Variants in MAGI2 observed in about 807,000 individuals in gnomAD.
The protein encoded by MAGI2 is membrane-associated guanylate kinase, WW and PDZ domain-containing protein 2.
In MAGI2, 35 loss-of-function variants were observed where a neutral mutation model predicts 133.3. The observed-to-expected ratio is 0.26, with a 90% CI of 0.20 to 0.35. The LOEUF is 0.35. MAGI2 is among the 10% of genes least tolerant of loss of function. MAGI2 has a pLI of 1.00. For synonymous variants in MAGI2, 729 were observed against 710.6 expected (o/e 1.03, Z -0.41); for missense variants, 1,636 against 1,863.4 (o/e 0.88, Z 2.25).
chr7:79,453,293 G>A lies in MAGI2; in HGVS notation c.28C>T (p.His10Tyr). 1 of 1,612,242 alleles carries A rather than the reference G, an allele frequency of 6.2e-7. No individual in the cohort carries two copies. The highest frequency in any genetic ancestry group is 8.5e-7 in the Non-Finnish European group (1 of 1,179,062). ...CTCTCATGGACTTTGCTAGTCCAGT[G>A]GCTTTTCTTTTTCAAGCTTTTGGAC... is the stretch of plus-strand genomic sequence containing the variant. MSKSLKKKS[H>Y]WTSKVHESVI... The change falls in exon 1 of 22, where the codon CAC becomes TAC. Residue 10 changes from histidine (H) to tyrosine (Y), a missense_variant. By Grantham distance (83) the His-to-Tyr change is moderately conservative. Coordinates refer to ENST00000354212, the MANE Select transcript of MAGI2 (RefSeq NM_012301.4).
At chr7:78,537,170 T>TACACACACACACACAC (rs3086437) in intron 3 of MAGI2, among the ~76,000 whole-genome samples, 1 of 146,202 alleles carries the variant, frequency 6.8e-6, no homozygotes, top group Non-Finnish European at 1.5e-5. Flanking sequence ...AGTATTCCAC[T>TACACACACACACACAC]ACACACACAC....
chr7:78,519,481 T>C (rs1228464099), intron 4 of MAGI2, among the ~76,000 whole-genome samples: 1 of 152,136 alleles, frequency 6.6e-6, no homozygotes, highest in Admixed American at 6.5e-5. Flanking sequence ...CTTGAAAACC[T>C]AGAGTTGGCT....
At chr7:79,373,541 A>G (rs1013749632) in intron 1 of MAGI2, among the ~76,000 whole-genome samples, 1 of 152,062 alleles carries the variant, frequency 6.6e-6, no homozygotes, top group African/African-American at 2.4e-5. Flanking sequence ...CACAAAATAA[A>G]CACTCAATAT....
At chr7:78,650,636 AT>A (rs1253670770) in intron 2 of MAGI2, among the ~76,000 whole-genome samples, 1 of 147,998 alleles carries the variant, frequency 6.8e-6, no homozygotes, top group African/African-American at 2.5e-5. Flanking sequence ...TTGTTAGGAA[AT>A]TTATTTTATG....
At chr7:78,924,833 C>CATTATT (rs971840903) in intron 2 of MAGI2, among the ~76,000 whole-genome samples, 2 of 150,340 alleles carry the variant, frequency 1.3e-5, no homozygotes, top group African/African-American at 2.5e-5. Context: ...ATCCCTTCTA[C>CATTATT]ATTATTATTA....
chr7:78,806,507 T>G (rs183635849), intron 2 of MAGI2, among the ~76,000 whole-genome samples: 2 of 152,234 alleles, frequency 1.3e-5, no homozygotes, highest in Admixed American at 1.3e-4. Flanking sequence ...GAGAATCACA[T>G]GATATTATAC....
At chr7:78,157,472 A>G (rs2150599152) in intron 16 of MAGI2, among the ~76,000 whole-genome samples, 1 of 152,302 alleles carries the variant, frequency 6.6e-6, no homozygotes, top group African/African-American at 2.4e-5. Context: ...TATTTGCAAT[A>G]GGAAAAGTGT....
chr7:78,950,521 A>G (rs1251969844), intron 2 of MAGI2, among the ~76,000 whole-genome samples: 1 of 152,204 alleles, frequency 6.6e-6, no homozygotes, highest in African/African-American at 2.4e-5. Flanking sequence ...AAGTGTTCAT[A>G]CATTTCCATA....
chr7:78,550,683 T>C (rs1345069316), intron 3 of MAGI2, among the ~76,000 whole-genome samples: 3 of 152,174 alleles, frequency 2.0e-5, no homozygotes, highest in Admixed American at 2.0e-4. Context: ...GATACTGTTT[T>C]TTACATTAAT....
chr7:78,138,825 G>A (rs1190591314), intron 16 of MAGI2, among the ~76,000 whole-genome samples: 1 of 152,168 alleles, frequency 6.6e-6, no homozygotes, highest in African/African-American at 2.4e-5. Flanking sequence ...GAAAACAAGT[G>A]TCAAAGGCAC....
At chr7:78,478,358 G>T (rs1792000257) in intron 6 of MAGI2, among the ~76,000 whole-genome samples, 1 of 151,778 alleles carries the variant, frequency 6.6e-6, no homozygotes, top group Admixed American at 6.6e-5. Flanking sequence ...GCGTCTTGTG[G>T]TATTAAATGG....
chr7:78,891,524 T>A (rs1796747406), intron 2 of MAGI2, among the ~76,000 whole-genome samples: 1 of 152,174 alleles, frequency 6.6e-6, no homozygotes, highest in African/African-American at 2.4e-5. Context: ...AAAAAGCTAA[T>A]CCACCATGAT....
At chr7:78,554,858 C>T (rs766253362) in intron 3 of MAGI2, among the ~76,000 whole-genome samples, 4 of 152,002 alleles carry the variant, frequency 2.6e-5, no homozygotes, top group Admixed American at 1.3e-4. Flanking sequence ...ATAGTTTGGC[C>T]GGGCATGGTG....
At chr7:78,251,719 A>C (rs932762340) in intron 10 of MAGI2, 4 of 152,242 alleles carry the variant, frequency 2.6e-5, no homozygotes, top group African/African-American at 9.6e-5. Context: ...TTAAAGATCC[A>C]AATAAGTGAA....
intron 2 of MAGI2, among the ~76,000 whole-genome samples, chr7:78,895,676 C>T (rs143584203): frequency 6.6e-6 from 1 of 151,974 alleles, no homozygotes; most frequent in African/African-American, 2.4e-5. Context: ...TCCAAGGGCT[C>T]GCTATTAAAC....
chr7:79,069,442 TTTGC>T (rs1371051767), intron 1 of MAGI2, among the ~76,000 whole-genome samples: 2 of 152,206 alleles, frequency 1.3e-5, no homozygotes, highest in Non-Finnish European at 2.9e-5. Context: ...TTGCTTTCCA[TTTGC>T]TTGGTAAATA....
rs146413872 is a variant in MAGI2, at chr7:78,810,379, A to G, written c.419-183140T>C. Among the ~76,000 whole-genome samples, 626 of 152,262 alleles carry G rather than the reference A, an allele frequency of 4.1e-3. 3 individuals are homozygous for G. Among genetic ancestry groups the G allele is most frequent in the African/African-American group, 0.014 (595 of 41,574 alleles). On this transcript the variant is annotated intron_variant, in intron 2 of 21. Coordinates refer to ENST00000354212, the MANE Select transcript of MAGI2 (RefSeq NM_012301.4). ...GAATCAATACCTATGTATTAGGTTA[A>G]AAATTACAATTACAACAAATTCACT...
intron 2 of MAGI2, among the ~76,000 whole-genome samples, chr7:78,872,032 A>T (rs1795070067): frequency 6.6e-6 from 1 of 151,422 alleles, no homozygotes; most frequent in African/African-American, 2.4e-5. Context: ...CCTTTGAACA[A>T]CCTTTTTTTT....
chr7:79,039,784 CAT>C (rs531114460), intron 1 of MAGI2, among the ~76,000 whole-genome samples: 1 of 146,888 alleles, frequency 6.8e-6, no homozygotes, highest in Non-Finnish European at 1.5e-5. Flanking sequence ...GAGTTCGAGA[CAT>C]ATATATATAC....
Sources: gnomAD v4.1 joint callset for allele counts (sites outside exome capture counted in the v4.1 genomes callset) on GRCh38, gnomAD v4.1.1 for gene constraint, MANE v1.5 for transcripts, NCBI Gene and HGNC (gene_info 2026-07-23, HGNC 2026-07-21) for gene names.